Variants in PCDH15 observed in about 807,000 individuals in gnomAD.
PCDH15 encodes the protein protocadherin related 15.
Under a neutral mutation model 178.5 loss-of-function variants are expected in PCDH15, and 129 were observed. That is an observed-to-expected ratio of 0.72 (90% CI 0.63 to 0.84). PCDH15 has a LOEUF of 0.84. PCDH15 is among the 40% of genes least tolerant of loss of function. The pLI is 0.00. For synonymous variants in PCDH15, 800 were observed against 732.0 expected (o/e 1.09, Z -1.50); for missense variants, 2,230 against 2,099.9 (o/e 1.06, Z -1.21).
intron 2 of PCDH15, among the ~76,000 whole-genome samples, chr10:55,518,996 A>C (rs1841087660): frequency 6.8e-6 from 1 of 147,290 alleles, no homozygotes; most frequent in African/African-American, 2.5e-5. Flanking sequence ...CAGGAGCCTG[A>C]GGCAGAAGAA....
At chr10:54,732,577 T>G (rs1591344633) in intron 1 of PCDH15, among the ~76,000 whole-genome samples, 1 of 151,534 alleles carries the variant, frequency 6.6e-6, no homozygotes, top group African/African-American at 2.4e-5. Context: ...AAATTTTGTC[T>G]GGATGGACTC....
intron 2 of PCDH15, among the ~76,000 whole-genome samples, chr10:55,435,318 G>A (rs1039568842): frequency 2.0e-5 from 3 of 152,070 alleles, no homozygotes; most frequent in African/African-American, 7.2e-5. Context: ...TGGGGAAGAA[G>A]AGAATATTAA....
At chr10:54,967,978 T>C (rs955817359) in intron 2 of PCDH15, among the ~76,000 whole-genome samples, 5 of 152,190 alleles carry the variant, frequency 3.3e-5, no homozygotes, top group Admixed American at 2.6e-4. Flanking sequence ...GCCTTCATTT[T>C]ACCTTGTCTC....
At chr10:54,125,445 C>T (rs1282046754) in intron 15 of PCDH15, among the ~76,000 whole-genome samples, 1 of 151,950 alleles carries the variant, frequency 6.6e-6, no homozygotes, top group African/African-American at 2.4e-5. Context: ...CATGAAGCAA[C>T]CACAAAAAAT....
intron 2 of PCDH15, among the ~76,000 whole-genome samples, chr10:54,992,376 A>C (rs968146999): frequency 2.0e-5 from 3 of 152,196 alleles, no homozygotes; most frequent in Admixed American, 6.5e-5. Flanking sequence ...CATGCAGCTC[A>C]AGTCAGTTGA....
intron 1 of PCDH15, among the ~76,000 whole-genome samples, chr10:55,234,654 T>G (rs778852570): frequency 2.6e-4 from 39 of 152,068 alleles, no homozygotes; most frequent in Non-Finnish European, 4.9e-4. Flanking sequence ...GTGCTAGGAT[T>G]ACAGATGTGA....
At chr10:55,407,852 T>C (rs1230077424) in intron 2 of PCDH15, among the ~76,000 whole-genome samples, 4 of 152,212 alleles carry the variant, frequency 2.6e-5, no homozygotes, top group South Asian at 2.1e-4. Flanking sequence ...TAGTCTCTTA[T>C]CTTAAGCTAA....
intron 2 of PCDH15, among the ~76,000 whole-genome samples, chr10:55,039,642 A>G (rs1840817887): frequency 6.6e-6 from 1 of 152,110 alleles, no homozygotes; most frequent in Non-Finnish European, 1.5e-5. Flanking sequence ...TTTAATAAAG[A>G]CACACCAAGC....
In PCDH15 at chr10:53,804,254, TCTG is replaced by T. The variant is rs1264170275; in HGVS notation, c.*2322_*2324del. 2 of 151,986 alleles carry T rather than the reference TCTG, an allele frequency of 1.3e-5. No individual in the cohort carries two copies. Among genetic ancestry groups the T allele is most frequent in the Admixed American group, 6.6e-5 (1 of 15,240 alleles). 9.4% of individuals were successfully genotyped at this position (151,986 alleles called of 1,614,324 possible). A position where few individuals can be genotyped will look rare whatever the true frequency, so the allele number is the denominator to read the frequency against. On this transcript the variant is annotated 3_prime_UTR_variant, in exon 38 of 38. Coordinates refer to ENST00000644397, the MANE Select transcript of PCDH15 (RefSeq NM_001384140.1). ...ATCAAGTTTAAATTACTGAAATGTG[TCTG>T]CTAAGTGGCTTGTAAAATTTTGCAT...
At chr10:54,097,625 TTG>T (rs2094724340) in intron 15 of PCDH15, among the ~76,000 whole-genome samples, 1 of 152,202 alleles carries the variant, frequency 6.6e-6, no homozygotes, top group African/African-American at 2.4e-5. Flanking sequence ...AGCAGAAATT[TTG>T]TCTTTTTTAT....
intron 7 of PCDH15, among the ~76,000 whole-genome samples, chr10:54,325,907 AAAAT>A (rs1390336693): frequency 2.6e-5 from 4 of 152,100 alleles, no homozygotes; most frequent in African/African-American, 7.2e-5. Flanking sequence ...AGACTGTCTC[AAAAT>A]AAATAAATAA....
At chr10:55,079,843 G>C (rs1841993465) in intron 2 of PCDH15, among the ~76,000 whole-genome samples, 1 of 152,120 alleles carries the variant, frequency 6.6e-6, no homozygotes, top group South Asian at 2.1e-4. Context: ...GCAATAGCTG[G>C]AGTGATTCCC....
At chr10:55,273,268 A>G (rs1170335915) in intron 1 of PCDH15, among the ~76,000 whole-genome samples, 1 of 152,138 alleles carries the variant, frequency 6.6e-6, no homozygotes, top group Non-Finnish European at 1.5e-5. Context: ...AAAGATTTAA[A>G]TTCTGGGTAA....
At chr10:55,001,616 G>A (rs1423560185) in intron 2 of PCDH15, among the ~76,000 whole-genome samples, 1 of 152,170 alleles carries the variant, frequency 6.6e-6, no homozygotes, top group Non-Finnish European at 1.5e-5. Flanking sequence ...CACAGCCAGT[G>A]CCCTTGGCTG....
At chr10:54,723,327 G>T (rs1185419661) in intron 1 of PCDH15, among the ~76,000 whole-genome samples, 3 of 151,620 alleles carry the variant, frequency 2.0e-5, no homozygotes, top group Non-Finnish European at 3.0e-5. Context: ...AATGATGCTG[G>T]GAAAATTGGC....
intron 16 of PCDH15, among the ~76,000 whole-genome samples, chr10:54,086,758 C>CA (rs1442246269): frequency 1.3e-5 from 2 of 152,142 alleles, no homozygotes; most frequent in African/African-American, 4.8e-5. Flanking sequence ...ATTATAGGGA[C>CA]ATGTTCTGCT....
At chr10:55,620,665 T>C (rs1253991113) in intron 2 of PCDH15, among the ~76,000 whole-genome samples, 6 of 151,914 alleles carry the variant, frequency 3.9e-5, no homozygotes, top group Non-Finnish European at 5.9e-5. Context: ...TGTAGTAGAA[T>C]GTTTCCTAGA....
rs201967162 is a variant in PCDH15 at position 55,481,266 on chromosome 10, A to AT, written c.-156+146358dup. On this transcript the variant is annotated intron_variant, in intron 2 of 5. Transcript: ENST00000613346. ...TTCTAGCTAATAGTCTATTTTACTA[A>AT]TTTTTTTCAGAAAAACAGCTTCTGG... is the stretch of plus-strand genomic sequence containing the variant. Among the ~76,000 whole-genome samples, 646 of 150,998 alleles carry AT rather than the reference A, an allele frequency of 4.3e-3. 8 individuals carry two copies. The highest frequency in any genetic ancestry group is 0.013 in the African/African-American group (553 of 41,270).
intron 2 of PCDH15, among the ~76,000 whole-genome samples, chr10:54,596,494 CCACA>C (rs1159551743): frequency 6.6e-6 from 1 of 152,098 alleles, no homozygotes; most frequent in Admixed American, 6.6e-5. Context: ...TAACCAGCAA[CCACA>C]CAAACTCACT....
Sources: allele counts gnomAD v4.1 joint callset (sites outside exome capture counted in the v4.1 genomes callset), GRCh38; gene constraint gnomAD v4.1.1; transcripts MANE v1.5; gene names NCBI Gene and HGNC (gene_info 2026-07-23, HGNC 2026-07-21).